The following TEAD1 variants were observed in gnomAD, a reference collection of about 807,000 sequenced individuals.
TEAD1 encodes TEA domain transcription factor 1.
TEAD1 carries 9 observed loss-of-function variants against 54.9 expected under a neutral mutation model. The ratio of observed to expected loss-of-function variants is 0.16; its 90% CI spans 0.10 to 0.29. TEAD1 has a LOEUF of 0.29. Among genes scored for constraint, TEAD1 ranks in the 10% least tolerant of loss-of-function variants. The pLI, the probability that TEAD1 is intolerant of heterozygous loss-of-function variation, is 1.00. For synonymous variants in TEAD1, 200 were observed against 187.8 expected (o/e 1.07, Z -0.53); for missense variants, 387 against 535.9 (o/e 0.72, Z 2.74).
At chr11:12,910,850 G>A (rs1341803066) in intron 10 of TEAD1, among the ~76,000 whole-genome samples, 2 of 149,876 alleles carry the variant, frequency 1.3e-5, no homozygotes, top group African/African-American at 2.5e-5. Context: ...GGGTTCAAGC[G>A]ATTCTCCTGC....
At chr11:12,930,431 AC>A in intron 12 of TEAD1, 105 bp downstream of exon 12, 2 of 1,424,708 alleles carry the variant, frequency 1.4e-6, no homozygotes, top group Non-Finnish European at 2.0e-6. Flanking sequence ...GAGGGAACTG[AC>A]CAGGTTGTTG....
chr11:12,801,412 A>G (rs1343739672), intron 3 of TEAD1, among the ~76,000 whole-genome samples: 1 of 152,208 alleles, frequency 6.6e-6, no homozygotes, highest in African/African-American at 2.4e-5. Flanking sequence ...GTTTTACCTC[A>G]TCTTAAAGAA....
At chr11:12,775,660 A>AT (rs149614741) in intron 3 of TEAD1, among the ~76,000 whole-genome samples, 5,244 of 149,926 alleles carry the variant, frequency 0.035, 327 homozygotes, top group African/African-American at 0.13. Context: ...AAATCTAAAT[A>AT]TAGAAGTGTG....
intron 7 of TEAD1, 104 bp from the exon 8 acceptor site, chr11:12,881,792 C>T (rs1291281152): frequency 2.5e-6 from 3 of 1,182,760 alleles, no homozygotes; most frequent in Non-Finnish European, 3.8e-6. Context: ...GCAGGGACCA[C>T]AGCGGTGAAG....
At chr11:12,707,025 A>G (rs958034078) in intron 2 of TEAD1, among the ~76,000 whole-genome samples, 12 of 151,958 alleles carry the variant, frequency 7.9e-5, no homozygotes, top group African/African-American at 2.2e-4. Context: ...GCCTAGGAGA[A>G]GAGTTCCAGT....
At chr11:12,686,005 C>T (rs764476934) in intron 2 of TEAD1, among the ~76,000 whole-genome samples, 4 of 152,186 alleles carry the variant, frequency 2.6e-5, no homozygotes, top group African/African-American at 4.8e-5. Context: ...TGGCTGCCTT[C>T]CTCCTGGTTA....
chr11:12,766,902 T>C (rs1431667244), intron 3 of TEAD1, among the ~76,000 whole-genome samples: 2 of 152,148 alleles, frequency 1.3e-5, no homozygotes, highest in Non-Finnish European at 2.9e-5. Context: ...GCTCAGAAGA[T>C]GCGTTGGATG....
intron 3 of TEAD1, among the ~76,000 whole-genome samples, chr11:12,861,847 G>A (rs766454130): frequency 6.6e-6 from 1 of 152,298 alleles, no homozygotes; most frequent in Non-Finnish European, 1.5e-5. Context: ...TTAGCTGGGC[G>A]TGATGGCGCA....
At chr11:12,777,400 G>C (rs1030960529) in intron 3 of TEAD1, among the ~76,000 whole-genome samples, 1 of 152,096 alleles carries the variant, frequency 6.6e-6, no homozygotes, top group Non-Finnish European at 1.5e-5. Context: ...TCTGTGCTCT[G>C]TGACTTGCCC....
intron 2 of TEAD1, among the ~76,000 whole-genome samples, chr11:12,762,769 A>G (rs1486770390): frequency 1.3e-5 from 2 of 152,170 alleles, no homozygotes; most frequent in Non-Finnish European, 2.9e-5. Flanking sequence ...GTTGATATAC[A>G]CAGGTGGGGG....
intron 10 of TEAD1, among the ~76,000 whole-genome samples, chr11:12,911,900 G>A (rs533068488): frequency 7.9e-5 from 12 of 152,012 alleles, no homozygotes; most frequent in Admixed American, 2.6e-4. Flanking sequence ...CTAAGGGAGC[G>A]TACCCTGTCT....
intron 3 of TEAD1, among the ~76,000 whole-genome samples, chr11:12,771,631 G>A (rs925933987): frequency 1.3e-5 from 2 of 152,188 alleles, no homozygotes; most frequent in African/African-American, 4.8e-5. Context: ...TCATATGCTT[G>A]ATGTACTGGA....
At chr11:12,698,821 A>G (rs1457382127) in intron 2 of TEAD1, among the ~76,000 whole-genome samples, 2 of 152,216 alleles carry the variant, frequency 1.3e-5, no homozygotes, top group African/African-American at 2.4e-5. Context: ...AAGCATTGCT[A>G]TAAGATGCTT....
At chr11:12,929,072 G>A (rs10831919) in intron 11 of TEAD1, among the ~76,000 whole-genome samples, 97,818 of 151,798 alleles carry the variant, frequency 0.64, 31,675 homozygotes, top group South Asian at 0.76. Flanking sequence ...TGATCTATTT[G>A]TTGACATTTT....
chr11:12,785,789 C>T (rs1564939327), intron 3 of TEAD1, among the ~76,000 whole-genome samples: 1 of 152,202 alleles, frequency 6.6e-6, no homozygotes, highest in Admixed American at 6.5e-5. Flanking sequence ...CTGGGAATAA[C>T]ATCGTGAGCA....
At position 12,781,768 on chromosome 11, in the gene TEAD1, T is replaced by C. The variant is rs1433092973; in HGVS notation, c.202+17334T>C. Among the ~76,000 whole-genome samples, 5 of 151,548 alleles carry C rather than the reference T, an allele frequency of 3.3e-5. No homozygotes were observed. The East Asian group carries it at 5.8e-4, about 18-fold the overall frequency. On this transcript the variant is annotated intron_variant, in intron 3 of 12. Transcript: ENST00000527636. ...CTCTGGAAACAGTCTGGAAGTTCTT[T>C]AAAAGACTCACCATAGAGTTATTAT...
chr11:12,865,342 A>T (rs1052947708), intron 5 of TEAD1: 11 of 163,042 alleles, frequency 6.7e-5, no homozygotes, highest in Non-Finnish European at 1.2e-4. Flanking sequence ...TTACCTTTTT[A>T]AAAAATTTAG....
rs528510699 is a variant in TEAD1, at chr11:12,683,871, C to T, written c.-55+8310C>T. ...AATCACAGATTTGGAATTGGACACA[C>T]GTTGGCTCAGCTACTTGCTAGTGTG... On this transcript the variant is annotated intron_variant, in intron 2 of 12. Coordinates refer to ENST00000527636, the MANE Select transcript of TEAD1 (RefSeq NM_021961.6). 9.9e-5 allele frequency among the ~76,000 whole-genome samples: 15 copies of T among 152,252 alleles called. No individual in the cohort carries two copies. In the South Asian group the frequency reaches 1.2e-3, roughly 13 times the overall value.
chr11:12,821,961 CTTTTTTTTTTTTT>C (rs10700151), intron 3 of TEAD1, among the ~76,000 whole-genome samples: 2 of 68,068 alleles, frequency 2.9e-5, no homozygotes, highest in East Asian at 9.8e-4. Context: ...TTCTCTTTTC[CTTTTTTTTTTTTT>C]TTTTTTTGAG....
Sources: allele counts gnomAD v4.1 joint callset (sites outside exome capture counted in the v4.1 genomes callset), GRCh38; gene constraint gnomAD v4.1.1; transcripts MANE v1.5; gene names NCBI Gene and HGNC (gene_info 2026-07-23, HGNC 2026-07-21).